Variants in STK33 observed in about 807,000 individuals in gnomAD.
STK33 encodes the protein serine/threonine kinase 33.
STK33 carries 52 observed loss-of-function variants against 58.0 expected under a neutral mutation model. That is an observed-to-expected ratio of 0.90 (90% CI 0.72 to 1.13). The LOEUF (loss-of-function observed/expected upper bound fraction) is 1.13. STK33 is among the 50% of genes most tolerant of loss of function. STK33 has a pLI of 0.00. For missense variants in STK33, 630 were observed against 604.2 expected (o/e 1.04, Z -0.45); for synonymous variants, 215 against 200.1 (o/e 1.07, Z -0.63).
intron 1 of STK33, among the ~76,000 whole-genome samples, chr11:8,556,880 G>C (rs535269065): frequency 5.3e-5 from 8 of 152,178 alleles, no homozygotes; most frequent in Admixed American, 2.6e-4. Flanking sequence ...ACAGATTTTA[G>C]GGTCACCATA....
intron 11 of STK33, among the ~76,000 whole-genome samples, chr11:8,446,268 T>C (rs1285334958): frequency 9.5e-6 from 1 of 105,816 alleles, no homozygotes; most frequent in African/African-American, 3.9e-5. Flanking sequence ...TTCTTCTCTC[T>C]TTTTTCTTAT....
intron 1 of STK33, among the ~76,000 whole-genome samples, chr11:8,546,551 A>C (rs1180795118): frequency 6.6e-6 from 1 of 152,096 alleles, no homozygotes; most frequent in Non-Finnish European, 1.5e-5. Context: ...CTTCTTTCTA[A>C]CTATATTTTT....
At chr11:8,475,178 AG>A (rs1231723558) in intron 4 of STK33, 112 bp from the exon 5 acceptor site, 1 of 298,562 alleles carries the variant, frequency 3.3e-6, no homozygotes, top group Non-Finnish European at 6.1e-6. Flanking sequence ...AGACATGAAA[AG>A]GACAAAATAG....
At chr11:8,521,161 C>A (rs974178322) in intron 1 of STK33, among the ~76,000 whole-genome samples, 11 of 151,894 alleles carry the variant, frequency 7.2e-5, no homozygotes, top group African/African-American at 1.2e-4. Context: ...AAAAGAGCCC[C>A]CATTGCCAAG....
chr11:8,354,101 T>A, the STK33 span, among the ~76,000 whole-genome samples: 1 of 152,126 alleles, frequency 6.6e-6, no homozygotes, highest in Admixed American at 6.5e-5. Context: ...CCCAGAGGAA[T>A]CACTTTGCAA....
chr11:8,469,633 T>TA (rs1158927217), intron 6 of STK33, among the ~76,000 whole-genome samples: 2 of 152,228 alleles, frequency 1.3e-5, no homozygotes, highest in Non-Finnish European at 2.9e-5. Context: ...GTTTTCAACT[T>TA]AATCTGCCCA....
At chr11:8,504,106 C>T (rs147139955) in intron 1 of STK33, among the ~76,000 whole-genome samples, 69 of 152,230 alleles carry the variant, frequency 4.5e-4, no homozygotes, top group African/African-American at 1.5e-3. Context: ...AAATTTTCCC[C>T]GCTCCATGTT....
chr11:8,478,089 T>A (rs1022779842), intron 2 of STK33, among the ~76,000 whole-genome samples: 5 of 152,204 alleles, frequency 3.3e-5, no homozygotes, highest in Non-Finnish European at 7.4e-5. Flanking sequence ...ATAGAACAAA[T>A]GTTTACTCAC....
At chr11:8,431,744 C>T (rs1303985490) in intron 14 of STK33, among the ~76,000 whole-genome samples, 1 of 152,200 alleles carries the variant, frequency 6.6e-6, no homozygotes, top group Non-Finnish European at 1.5e-5. Context: ...TACAACTCTT[C>T]TTTACTACCT....
intron 1 of STK33, among the ~76,000 whole-genome samples, chr11:8,582,459 G>A (rs1459007864): frequency 2.0e-5 from 3 of 152,214 alleles, no homozygotes; most frequent in Non-Finnish European, 4.4e-5. Context: ...AATCATGGCA[G>A]AAGGCAAAGG....
At chr11:8,462,442 T>TATACATATATACATATACACAC (rs1554950207) in intron 7 of STK33, among the ~76,000 whole-genome samples, 3 of 128,328 alleles carry the variant, frequency 2.3e-5, no homozygotes, top group African/African-American at 9.6e-5. Context: ...TATACATATA[T>TATACATATATACATATACACAC]ACACACACAC....
intron 1 of STK33, among the ~76,000 whole-genome samples, chr11:8,587,272 A>T (rs1362400935): frequency 6.6e-6 from 1 of 152,166 alleles, no homozygotes; most frequent in Non-Finnish European, 1.5e-5. Flanking sequence ...ATGGGATGGG[A>T]AACTAGTATT....
intron 1 of STK33, among the ~76,000 whole-genome samples, chr11:8,577,209 T>C (rs1958250294): frequency 6.6e-6 from 1 of 152,112 alleles, no homozygotes; most frequent in South Asian, 2.1e-4. Flanking sequence ...ACAATACAAA[T>C]AAGCTAAAAA....
At chr11:8,367,691 G>C in the STK33 span, among the ~76,000 whole-genome samples, 1 of 152,200 alleles carries the variant, frequency 6.6e-6, no homozygotes, top group African/African-American at 2.4e-5. Flanking sequence ...TACGAAGTGG[G>C]CACTATCACC....
At chr11:8,495,972 T>C (rs1301138987) in intron 1 of STK33, among the ~76,000 whole-genome samples, 1 of 151,922 alleles carries the variant, frequency 6.6e-6, no homozygotes. Flanking sequence ...GGGAGAGGGA[T>C]AGCATTAGGA....
intron 6 of STK33, among the ~76,000 whole-genome samples, chr11:8,470,396 T>A (rs1341083129): frequency 6.6e-6 from 1 of 152,218 alleles, no homozygotes; most frequent in Non-Finnish European, 1.5e-5. Flanking sequence ...TGGATTAGGC[T>A]TTGGCTTAAG....
At chr11:8,479,238 C>A (rs944360690) in intron 2 of STK33, among the ~76,000 whole-genome samples, 1 of 151,896 alleles carries the variant, frequency 6.6e-6, no homozygotes, top group Non-Finnish European at 1.5e-5. Flanking sequence ...CCTGACCAAC[C>A]TGGGGTTTTA....
intron 1 of STK33, among the ~76,000 whole-genome samples, chr11:8,494,499 T>C (rs367856074): frequency 1.3e-5 from 2 of 152,124 alleles, no homozygotes; most frequent in East Asian, 1.9e-4. Context: ...GAATCAATAT[T>C]GTGAAAATGG....
At position 8,510,054 on chromosome 11, in the gene STK33, C is replaced by A. The variant is rs1952185967; in HGVS notation, c.-465-29440G>T. Among the ~76,000 whole-genome samples the A allele has an allele frequency of 3.9e-5, 6 of 152,208 alleles. No homozygotes were observed. In the South Asian group the frequency reaches 1.2e-3, roughly 31 times the overall value. ...ATTGCCAGATCAAATGGTAGTTCTA[C>A]TTTTGGTTCTTTAAGAAATCTCTAT... On this transcript the variant is annotated intron_variant, in intron 1 of 15. Transcript: ENST00000687296.
Sources: gnomAD v4.1 joint callset for allele counts (sites outside exome capture counted in the v4.1 genomes callset) on GRCh38, gnomAD v4.1.1 for gene constraint, MANE v1.5 for transcripts, NCBI Gene and HGNC (gene_info 2026-07-23, HGNC 2026-07-21) for gene names.